The following CIART variants were observed in gnomAD, a reference collection of about 807,000 sequenced individuals.
CIART encodes circadian-associated transcriptional repressor.
A neutral mutation model predicts 22.1 loss-of-function variants in CIART; 7 were observed. That is an observed-to-expected ratio of 0.32 (90% CI 0.18 to 0.59). The LOEUF (loss-of-function observed/expected upper bound fraction) is 0.59. CIART is among the 20% of genes least tolerant of loss of function. The probability of loss-of-function intolerance (pLI) is 0.86; values close to 1 mark genes in which losing one functional copy is unlikely to be tolerated. For synonymous variants in CIART, 163 were observed against 174.6 expected, an observed-to-expected ratio of 0.93 and a Z score of 0.53; for missense variants, 440 against 478.0, an observed-to-expected ratio of 0.92 and a Z score of 0.74.
Position 150,286,957 on chromosome 1 carries a change from C to T in CIART, c.*3C>T. ...ATGCTCATCTTCTCAACCTCTAGCC[C>T]AGGGCATACAGCTGTCCACTGTGAC... On this transcript the variant is annotated 3_prime_UTR_variant, in exon 5 of 5. Transcript: ENST00000290363. 1 of 1,556,526 alleles carries T rather than the reference C, an allele frequency of 6.4e-7. No homozygotes were observed. Among genetic ancestry groups the T allele is most frequent in the Non-Finnish European group, 8.7e-7 (1 of 1,148,714 alleles).
Position 150,286,763 on chromosome 1 carries a change from G to A in CIART, c.967G>A (p.Gly323Ser). 1 of 1,613,208 alleles carries A rather than the reference G, an allele frequency of 6.2e-7. No individual in the cohort carries two copies. The highest frequency in any genetic ancestry group is 8.5e-7 in the Non-Finnish European group (1 of 1,179,254). Reference sequence around the variant, plus strand: ...TACTACAGCATCTCCTGTCATCCCTGGTGAGCCTATGAAACTATCTGGAGA... The same window carrying A: ...TACTACAGCATCTCCTGTCATCCCTAGTGAGCCTATGAAACTATCTGGAGA... ...PPTTASPVIP[G>S]EPMKLSGEGP... The change falls in exon 5 of 5, where the codon GGT becomes AGT. Residue 323 changes from glycine to serine, a missense_variant. Physicochemically the swap from Gly to Ser is moderately conservative, Grantham distance 56. Transcript: ENST00000290363.
intron 2 of CIART, 77 bp from the exon 3 acceptor site, chr1:150,284,349 A>C: frequency 4.5e-6 from 6 of 1,346,662 alleles, no homozygotes; most frequent in South Asian, 1.2e-5. Flanking sequence ...AATCAATTTT[A>C]ACCCCCTTCT....
At position 150,283,799 on chromosome 1, in the gene CIART, C is replaced by G; in HGVS notation, c.367-6C>G. On this transcript the variant is annotated splice_region_variant and splice_polypyrimidine_tract_variant and intron_variant, in intron 1 of 4. Transcript: ENST00000290363. ...TTCTTACAGCCTTTGTCCTATTTTC[C>G]TACAGTGTAAAGAACTCCAAGGATT... is the stretch of plus-strand genomic sequence containing the variant. 6.3e-7 allele frequency: 1 copy of G among 1,577,216 alleles called. No individual in the cohort carries two copies. The highest frequency in any genetic ancestry group is 8.7e-7 in the Non-Finnish European group (1 of 1,146,584).
In CIART at chr1:150,286,769, C is replaced by T; in HGVS notation, c.973C>T (p.Pro325Ser). The change falls in exon 5 of 5, where the codon CCT (proline) becomes TCT (serine). Residue 325 changes from proline (P) to serine (S), a missense_variant. Physicochemically the swap from Pro to Ser is moderately conservative, Grantham distance 74. Transcript: ENST00000290363. ...TTASPVIPGE[P>S]MKLSGEGPRC... is the part of the protein sequence containing the mutation. ...AGCATCTCCTGTCATCCCTGGTGAGCCTATGAAACTATCTGGAGAGGGTCC... is the reference window on the plus strand; with the variant it reads ...AGCATCTCCTGTCATCCCTGGTGAGTCTATGAAACTATCTGGAGAGGGTCC... The T allele has an allele frequency of 6.2e-7, 1 of 1,613,292 alleles. No homozygotes were observed. Among genetic ancestry groups the T allele is most frequent in the Non-Finnish European group, 8.5e-7 (1 of 1,179,230 alleles).
In CIART at chr1:150,283,374, G is replaced by T; in HGVS notation, c.107G>T (p.Arg36Met). 6.2e-7 allele frequency: 1 copy of T among 1,602,330 alleles called. No individual in the cohort carries two copies. The highest frequency in any genetic ancestry group is 1.1e-5 in the South Asian group (1 of 90,160). ...SDFGFPSDSE[R>M]EDKGAHGPRP... ...TTTGGCTTCCCCTCTGATAGTGAGA[G>T]GGAGGACAAGGGGGCCCATGGGCCC... The change falls in exon 1 of 5, where the codon AGG (arginine) becomes ATG (methionine). Residue 36 changes from arginine (R) to methionine (M), a missense_variant. Transcript: ENST00000290363.
rs2101892334 is a variant in CIART at position 150,284,980 on chromosome 1, C to T, written c.633+272C>T. 8.7e-6 allele frequency: 4 copies of T among 462,184 alleles called. No individual in the cohort carries two copies. The South Asian group carries it at 1.0e-4, about 12-fold the overall frequency. The allele number at this position is 462,184 out of a possible 1,614,324, so 28.6% of individuals were successfully genotyped here. A position where few individuals can be genotyped will look rare whatever the true frequency, so the allele number is the denominator to read the frequency against. On this transcript the variant is annotated intron_variant, in intron 4 of 4. Transcript: ENST00000290363. ...AGCTTATCTGCTTTCTGCGTAGATA[C>T]AAAAGGCTTTTTACCTGGCCAAATG...
chr1:150,287,040 T>G lies in CIART; in HGVS notation c.*86T>G, dbSNP rs1268909367. 1 of 1,268,510 alleles carries G rather than the reference T, an allele frequency of 7.9e-7. No individual in the cohort carries two copies. Among genetic ancestry groups the G allele is most frequent in the Non-Finnish European group, 1.1e-6 (1 of 948,090 alleles). 78.6% of individuals were successfully genotyped at this position (1,268,510 alleles called of 1,614,324 possible). The stretch of plus-strand genomic sequence containing the variant: ...TATTTTTACTATTAATGTGTGCATT[T>G]GTGTTGAGGGAAGATAAATCCTTTC... On this transcript the variant is annotated 3_prime_UTR_variant, in exon 5 of 5. Transcript: ENST00000290363.
chr1:150,286,614 C>T lies in CIART; in HGVS notation c.818C>T (p.Ser273Phe). 6.2e-7 allele frequency: 1 copy of T among 1,610,472 alleles called. No homozygotes were observed. The highest frequency in any genetic ancestry group is 8.5e-7 in the Non-Finnish European group (1 of 1,176,682). ...CCAATTTGCAACCCCCCTCTCAGCT[C>T]CCCAGGTACTATCTCCTTTAGCCAT... ...TTPICNPPLS[S>F]PGTISFSHGP... The change falls in exon 5 of 5, where the codon TCC (serine) becomes TTC (phenylalanine). Residue 273 changes from serine (S) to phenylalanine (F), a missense_variant. Transcript: ENST00000290363.
At position 150,284,494 on chromosome 1, in the gene CIART, C is replaced by T. The variant is rs1653367750; in HGVS notation, c.511C>T (p.Pro171Ser). The T allele has an allele frequency of 1.9e-6, 3 of 1,610,900 alleles. No homozygotes were observed. Among genetic ancestry groups the T allele is most frequent in the Non-Finnish European group, 2.5e-6 (3 of 1,177,056 alleles). The change falls in exon 3 of 5, where the codon CCA (proline) becomes TCA (serine). Residue 171 changes from proline (P) to serine (S), a missense_variant. Pro to Ser is a moderately conservative substitution (Grantham distance 74). Coordinates refer to ENST00000290363, the MANE Select transcript of CIART (RefSeq NM_144697.4). ...GCGTATTGTAGGTGTTTTGCAGAAG[C>T]CACAGATGGGGTAAGTCCCGCTGGT... ...IQRIVGVLQK[P>S]QMGERYLGTL...
chr1:150,283,763 A>G, intron 1 of CIART, 42 bp from the exon 2 acceptor site: 1 of 1,546,780 alleles, frequency 6.5e-7, no homozygotes, highest in East Asian at 2.2e-5. Context: ...TGGTGTGGGC[A>G]GTTTTTTGTC....
At chr1:150,285,659 G>A (rs1653450508) in intron 4 of CIART, 1 of 152,298 alleles carries the variant, frequency 6.6e-6, no homozygotes, top group Non-Finnish European at 1.5e-5. Flanking sequence ...ATCAGCCATG[G>A]TTATTATTGC....
In CIART at chr1:150,286,780, A is replaced by G; in HGVS notation, c.984A>G (p.Leu328=). ...SPVIPGEPMK[L]SGEGPRCYSL... ...TCATCCCTGGTGAGCCTATGAAACT[A>G]TCTGGAGAGGGTCCTCGTTGCTACA... Residue 328 remains leucine (L), a synonymous_variant, in exon 5 of 5, where the codon CTA becomes CTG. Coordinates refer to ENST00000290363, the MANE Select transcript of CIART (RefSeq NM_144697.4). 2 of 1,613,540 alleles carry G rather than the reference A, an allele frequency of 1.2e-6. No homozygotes were observed. The highest frequency in any genetic ancestry group is 1.1e-5 in the South Asian group (1 of 91,076).
Position 150,283,248 on chromosome 1 carries a change from T to C in CIART, c.-20T>C, listed in dbSNP as rs6689338. ...TTTGGGTACTCCAGGAGCTGTTCTA[T>C]AGCCCCTGCTTCTGGACCTATGGAT... is the stretch of plus-strand genomic sequence containing the variant. On this transcript the variant is annotated 5_prime_UTR_variant, in exon 1 of 5. Coordinates refer to ENST00000290363, the MANE Select transcript of CIART (RefSeq NM_144697.4). 1 of 1,510,740 alleles carries C rather than the reference T, an allele frequency of 6.6e-7. No homozygotes were observed. The highest frequency in any genetic ancestry group is 8.9e-7 in the Non-Finnish European group (1 of 1,129,880). 93.6% of individuals were successfully genotyped at this position (1,510,740 alleles called of 1,614,324 possible).
At chr1:150,284,352 C>A in intron 2 of CIART, 74 bp from the exon 3 acceptor site, 1 of 1,359,082 alleles carries the variant, frequency 7.4e-7, no homozygotes, top group Non-Finnish European at 1.0e-6. Flanking sequence ...CAATTTTAAC[C>A]CCCTTCTGTT....
At position 150,287,023 on chromosome 1, in the gene CIART, C is replaced by T; in HGVS notation, c.*69C>T. The T allele has an allele frequency of 7.4e-7, 1 of 1,359,648 alleles. No individual in the cohort carries two copies. The highest frequency in any genetic ancestry group is 9.9e-7 in the Non-Finnish European group (1 of 1,012,500). The allele number at this position is 1,359,648 out of a possible 1,614,324, so 84.2% of individuals were successfully genotyped here. On this transcript the variant is annotated 3_prime_UTR_variant, in exon 5 of 5. Coordinates refer to ENST00000290363, the MANE Select transcript of CIART (RefSeq NM_144697.4). ...ATATTTATGTATATATGTATTTTTA[C>T]TATTAATGTGTGCATTTGTGTTGAG...
At chr1:150,284,311 G>A in intron 2 of CIART, 115 bp from the exon 3 acceptor site, 1 of 1,019,986 alleles carries the variant, frequency 9.8e-7, no homozygotes, top group South Asian at 1.4e-5. Flanking sequence ...AAGCCACCTT[G>A]CCTGGCCCGA....
intron 2 of CIART, 136 bp downstream of exon 2, chr1:150,284,016 T>TTAC (rs1653327288): frequency 2.2e-6 from 1 of 465,054 alleles, no homozygotes; most frequent in Non-Finnish European, 3.7e-6. Context: ...ATTATTATTA[T>TTAC]TATTATTATT....
Position 150,286,782 on chromosome 1 carries a change from C to G in CIART, c.986C>G (p.Ser329Cys). The stretch of plus-strand genomic sequence containing the variant: ...ATCCCTGGTGAGCCTATGAAACTAT[C>G]TGGAGAGGGTCCTCGTTGCTACAGT... ...PVIPGEPMKL[S>C]GEGPRCYSLP... Residue 329 changes from serine to cysteine, a missense_variant, in exon 5 of 5, where the codon TCT becomes TGT. Coordinates refer to ENST00000290363, the MANE Select transcript of CIART (RefSeq NM_144697.4). 6.2e-7 allele frequency: 1 copy of G among 1,613,472 alleles called. No individual in the cohort carries two copies. Among genetic ancestry groups the G allele is most frequent in the East Asian group, 2.2e-5 (1 of 44,896 alleles).
At chr1:150,285,072 T>G (rs1653407686) in intron 4 of CIART, 1 of 249,140 alleles carries the variant, frequency 4.0e-6, no homozygotes, top group East Asian at 1.2e-4. Context: ...CCCAAACCCT[T>G]CCCTTCTCCT....
Sources: gnomAD v4.1 joint callset for allele counts on GRCh38, gnomAD v4.1.1 for gene constraint, MANE v1.5 for transcripts, NCBI Gene and HGNC (gene_info 2026-07-23, HGNC 2026-07-21) for gene names.